TJP3: variants seen among roughly 807,000 people sequenced by gnomAD.
The protein encoded by TJP3 is tight junction protein 3.
TJP3 carries 85 observed loss-of-function variants against 104.2 expected under a neutral mutation model. The ratio of observed to expected loss-of-function variants is 0.82; its 90% CI spans 0.68 to 0.98. The LOEUF is 0.98. Among genes scored for constraint, TJP3 ranks in the 50% least tolerant of loss-of-function variants. The pLI is 0.00. For missense variants in TJP3, 1,367 were observed against 1,322.8 expected (o/e 1.03, Z -0.52); for synonymous variants, 550 against 550.6 (o/e 1.00, Z 0.02).
chr19:3,727,926 A>AGCC, intron 1 of TJP3, among the ~76,000 whole-genome samples: 1 of 151,748 alleles, frequency 6.6e-6, no homozygotes, highest in South Asian at 2.1e-4. Flanking sequence ...TGGGCAACAG[A>AGCC]ATGAGACTCC....
At chr19:3,711,603 C>T (rs1313130390) in intron 1 of TJP3, among the ~76,000 whole-genome samples, 1 of 148,718 alleles carries the variant, frequency 6.7e-6, no homozygotes, top group Middle Eastern at 3.2e-3. Flanking sequence ...CATACAAATA[C>T]AAAATGAGGC....
In TJP3 at chr19:3,748,038, G is replaced by A; in HGVS notation, c.2567G>A (p.Ser856Asn). The change falls in exon 19 of 21, where the codon AGC (serine) becomes AAC (asparagine). Residue 856 changes from serine (S) to asparagine (N), a missense_variant. By Grantham distance (46) the Ser-to-Asn change is conservative. Coordinates refer to ENST00000541714, the MANE Select transcript of TJP3 (RefSeq NM_001267560.2). ...SEPVQADESQ[S>N]PRDRGRISAH... The stretch of plus-strand genomic sequence containing the variant: ...CCCGTGCAGGCAGATGAGTCCCAGA[G>A]CCCGAGGGATCGTGGGAGAATCTCG... 4 of 1,596,352 alleles carry A rather than the reference G, an allele frequency of 2.5e-6. No individual in the cohort carries two copies. The highest frequency in any genetic ancestry group is 2.3e-5 in the East Asian group (1 of 44,024).
chr19:3,750,191 ACC>A lies in TJP3; in HGVS notation c.2657+10_2657+11del. On this transcript the variant is annotated splice_region_variant and intron_variant, in intron 20 of 20. Transcript: ENST00000541714. ...GGCGACAGGACAGCATGCGGTAAGA[ACC>A]CCATATTCCAGATTGGGGCCCTCAA... The A allele has an allele frequency of 6.3e-7, 1 of 1,586,694 alleles. No individual in the cohort carries two copies. The highest frequency in any genetic ancestry group is 8.6e-7 in the Non-Finnish European group (1 of 1,169,314).
chr19:3,717,428 T>TATAA (rs1293390428), intron 1 of TJP3, among the ~76,000 whole-genome samples: 2 of 143,018 alleles, frequency 1.4e-5, no homozygotes, highest in Non-Finnish European at 3.0e-5. Context: ...TATATATATA[T>TATAA]AATTTTATTT....
intron 1 of TJP3, among the ~76,000 whole-genome samples, chr19:3,727,196 A>G (rs2036607008): frequency 6.6e-6 from 1 of 151,840 alleles, no homozygotes; most frequent in Admixed American, 6.6e-5. Context: ...GAGATAGTAC[A>G]TGTAAGGCTG....
chr19:3,734,773 G>A (rs948202474), intron 8 of TJP3, among the ~76,000 whole-genome samples: 3 of 152,134 alleles, frequency 2.0e-5, no homozygotes, highest in African/African-American at 7.2e-5. Flanking sequence ...TGGCCAACGT[G>A]GTGAAACCCT....
chr19:3,748,192 T>A, intron 19 of TJP3, 111 bp downstream of exon 19: 1 of 1,366,110 alleles, frequency 7.3e-7, no homozygotes, highest in Non-Finnish European at 9.7e-7. Flanking sequence ...CAAACACGGC[T>A]TCCCTGGTCA....
Position 3,740,732 on chromosome 19 carries a change from C to T in TJP3, c.1812C>T (p.Tyr604=), listed in dbSNP as rs139746746. The change falls in exon 14 of 21, where the codon TAC becomes TAT. Residue 604 remains tyrosine (Y), a synonymous_variant. Transcript: ENST00000541714. ...DLSALTRQGR[Y]PPYERVVLRE... is the part of the protein sequence containing the mutation. ...CAGCTCTGACCCGACAGGGCCGCTA[C>T]CCGCCCTACGAACGAGTGGTGTTGC... 199 of 1,595,214 alleles carry T rather than the reference C, an allele frequency of 1.2e-4. No individual in the cohort carries two copies. In the African/African-American group the frequency reaches 2.2e-3, roughly 18 times the overall value.
At position 3,731,788 on chromosome 19, in the gene TJP3, T is replaced by G. The variant is rs563848371; in HGVS notation, c.614-147T>G. On this transcript the variant is annotated intron_variant, in intron 5 of 20. Coordinates refer to ENST00000541714, the MANE Select transcript of TJP3 (RefSeq NM_001267560.2). ...GTCATTGACACAATCAGATCTCGGG[T>G]CCTACGGGCGACATCACTGTTCTCC... The G allele has an allele frequency of 6.9e-6, 4 of 581,746 alleles. No homozygotes were observed. In the African/African-American group the frequency reaches 7.5e-5, roughly 11 times the overall value. The allele number at this position is 581,746 out of a possible 1,614,324, so 36.0% of individuals were successfully genotyped here.
chr19:3,713,548 G>A (rs115403533), intron 1 of TJP3, among the ~76,000 whole-genome samples: 1,971 of 152,276 alleles, frequency 0.013, 42 homozygotes, highest in African/African-American at 0.045. Context: ...GCGGAGAGAC[G>A]TGAATAAAGT....
chr19:3,718,001 G>T (rs1397774130), intron 1 of TJP3, among the ~76,000 whole-genome samples: 1 of 151,116 alleles, frequency 6.6e-6, no homozygotes, highest in African/African-American at 2.4e-5. Flanking sequence ...GGATCACAAG[G>T]TCAGGAGTTT....
At chr19:3,735,193 G>GTTTA (rs1004628527) in intron 8 of TJP3, among the ~76,000 whole-genome samples, 3 of 151,916 alleles carry the variant, frequency 2.0e-5, no homozygotes, top group East Asian at 3.9e-4. Flanking sequence ...TTTTTATTTT[G>GTTTA]TTTATTTATT....
chr19:3,727,605 G>A (rs141751735), intron 1 of TJP3, among the ~76,000 whole-genome samples: 16 of 152,152 alleles, frequency 1.1e-4, no homozygotes, highest in Admixed American at 2.6e-4. Context: ...CAACTCAGGC[G>A]CTGTTCTAGG....
At chr19:3,723,289 G>C (rs4806950) in intron 1 of TJP3, among the ~76,000 whole-genome samples, 21,838 of 152,094 alleles carry the variant, frequency 0.14, 1,799 homozygotes, top group Admixed American at 0.25. Context: ...GGAGGAAGAG[G>C]CTGGGGCTGT....
rs760771997 is a variant in TJP3, at chr19:3,728,540, A to G, written c.48+60A>G. 10 of 1,598,266 alleles carry G rather than the reference A, an allele frequency of 6.3e-6. No homozygotes were observed. The South Asian group carries it at 6.8e-5, about 11-fold the overall frequency. ...AGTATGGCGGCTTAGGCCCAGCTCAATAGAGGGGAGACCCTTTACCCTGGG... is the reference window on the plus strand; with the variant it reads ...AGTATGGCGGCTTAGGCCCAGCTCAGTAGAGGGGAGACCCTTTACCCTGGG... On this transcript the variant is annotated intron_variant, in intron 2 of 20. Transcript: ENST00000541714.
chr19:3,733,264 G>C (rs761847593), intron 6 of TJP3, among the ~76,000 whole-genome samples: 1 of 152,042 alleles, frequency 6.6e-6, no homozygotes, highest in Non-Finnish European at 1.5e-5. Context: ...TTGAACTCCT[G>C]ACCTCAACTG....
chr19:3,722,103 C>G (rs949933041), intron 1 of TJP3, among the ~76,000 whole-genome samples: 7 of 152,176 alleles, frequency 4.6e-5, no homozygotes, highest in Non-Finnish European at 1.0e-4. Context: ...TCCGCGCCCC[C>G]CTCCCTGCCT....
At chr19:3,748,801 G>A (rs908389066) in intron 19 of TJP3, among the ~76,000 whole-genome samples, 3 of 147,554 alleles carry the variant, frequency 2.0e-5, no homozygotes, top group Non-Finnish European at 3.0e-5. Flanking sequence ...CTCCAGCCTC[G>A]GCCTCCCAAA....
Position 3,738,626 on chromosome 19 carries a change from C to A in TJP3, c.1356C>A (p.Gly452=), listed in dbSNP as rs141908624. ...AGTTCCTGCTGGGGCTGCCACCAGG[C>A]GAGGAGATGGAGCTGGTGACGCAGA... The part of the protein sequence containing the change: ...AVQFLLGLPP[G]EEMELVTQRK... The change falls in exon 12 of 21, where the codon GGC becomes GGA. Residue 452 remains glycine, a synonymous_variant. Transcript: ENST00000541714. The A allele has an allele frequency of 6.2e-7, 1 of 1,613,812 alleles. No homozygotes were observed. Among genetic ancestry groups the A allele is most frequent in the South Asian group, 1.1e-5 (1 of 91,072 alleles).
Sources: gnomAD v4.1 joint callset for allele counts (sites outside exome capture counted in the v4.1 genomes callset) on GRCh38, gnomAD v4.1.1 for gene constraint, MANE v1.5 for transcripts, NCBI Gene and HGNC (gene_info 2026-07-23, HGNC 2026-07-21) for gene names.